Variants in COLEC12 observed in about 807,000 individuals in gnomAD.
COLEC12 encodes the protein collectin subfamily member 12.
Under a neutral mutation model 71.1 loss-of-function variants are expected in COLEC12, and 33 were observed. The ratio of observed to expected loss-of-function variants is 0.46; its 90% confidence interval spans 0.35 to 0.62. The LOEUF (loss-of-function observed/expected upper bound fraction) is 0.62. COLEC12 is among the 20% of genes least tolerant of loss of function. The pLI is 0.00. For synonymous variants in COLEC12, 350 were observed against 353.0 expected (o/e 0.99, Z 0.10); for missense variants, 765 against 916.1 (o/e 0.84, Z 2.13).
chr18:383,817 G>A (rs962327606), intron 2 of COLEC12, among the ~76,000 whole-genome samples: 2 of 152,152 alleles, frequency 1.3e-5, no homozygotes, highest in Non-Finnish European at 2.9e-5. Flanking sequence ...AAGGAAAGAG[G>A]TATAATTGAC....
At chr18:470,131 T>C (rs1286091884) in intron 2 of COLEC12, among the ~76,000 whole-genome samples, 2 of 151,974 alleles carry the variant, frequency 1.3e-5, no homozygotes, top group Non-Finnish European at 2.9e-5. Flanking sequence ...TATATCTTAA[T>C]ATTTTTTATC....
At chr18:427,378 C>A (rs1916217933) in intron 2 of COLEC12, among the ~76,000 whole-genome samples, 1 of 152,122 alleles carries the variant, frequency 6.6e-6, no homozygotes, top group Admixed American at 6.5e-5. Context: ...CCTATGTGGG[C>A]CGTAGGGAGA....
At chr18:423,701 A>T (rs1428355863) in intron 2 of COLEC12, 1 of 152,170 alleles carries the variant, frequency 6.6e-6, no homozygotes, top group Non-Finnish European at 1.5e-5. Context: ...ACACACGCCC[A>T]GGGCTGGTCT....
intron 2 of COLEC12, among the ~76,000 whole-genome samples, chr18:413,352 T>C (rs1915928201): frequency 6.6e-6 from 1 of 152,202 alleles, no homozygotes; most frequent in Non-Finnish European, 1.5e-5. Flanking sequence ...ACCCCACAAA[T>C]GCTGGAGAGG....
chr18:346,341 T>C lies in COLEC12; in HGVS notation c.1281A>G (p.Val427=). ...LSVIMEEMKL[V]DSKHGQLIKN... ...TGATGAGCTGACCATGCTTGGAGTC[T>C]ACTAGCTTCATTTCTTCCATAATCA... The change falls in exon 5 of 10, where the codon GTA becomes GTG. Residue 427 remains valine (V), a synonymous_variant. Coordinates refer to ENST00000400256, the MANE Select transcript of COLEC12 (RefSeq NM_130386.3). The surrounding 1 kb of genome is among the most constrained non-coding windows in gnomAD (Gnocchi z 4.0). The C allele has an allele frequency of 6.2e-7, 1 of 1,614,078 alleles. No homozygotes were observed. Among genetic ancestry groups the C allele is most frequent in the East Asian group, 2.2e-5 (1 of 44,892 alleles).
At chr18:340,726 T>C (rs1175710914) in intron 5 of COLEC12, among the ~76,000 whole-genome samples, 2 of 152,242 alleles carry the variant, frequency 1.3e-5, no homozygotes, top group Non-Finnish European at 2.9e-5. Context: ...TGATACAATC[T>C]GATACGTTTT....
intron 2 of COLEC12, among the ~76,000 whole-genome samples, chr18:394,647 A>G (rs1461406112): frequency 6.6e-6 from 1 of 152,156 alleles, no homozygotes; most frequent in Admixed American, 6.5e-5. Flanking sequence ...AACTAATGGG[A>G]TTATTATTGT....
At chr18:471,363 A>G (rs1469293825) in intron 2 of COLEC12, among the ~76,000 whole-genome samples, 2 of 151,524 alleles carry the variant, frequency 1.3e-5, no homozygotes, top group African/African-American at 4.8e-5. Context: ...TCCTCTTCCA[A>G]ATTTTTTTTC....
At chr18:471,878 G>A (rs896984616) in intron 2 of COLEC12, among the ~76,000 whole-genome samples, 3 of 152,012 alleles carry the variant, frequency 2.0e-5, no homozygotes, top group Admixed American at 2.0e-4. Flanking sequence ...AAGGACTTGT[G>A]ACTCAACGTT....
intron 2 of COLEC12, among the ~76,000 whole-genome samples, chr18:403,877 C>T (rs182155875): frequency 1.3e-5 from 2 of 152,186 alleles, no homozygotes; most frequent in African/African-American, 4.8e-5. Context: ...GTTCTCATAC[C>T]TATGGCACAA....
At chr18:426,153 C>T (rs1402271437) in intron 2 of COLEC12, among the ~76,000 whole-genome samples, 2 of 152,196 alleles carry the variant, frequency 1.3e-5, no homozygotes, top group Non-Finnish European at 2.9e-5. Context: ...TTGTAAAATG[C>T]ATCATGGCTT....
At chr18:491,453 G>T (rs1285798490) in intron 1 of COLEC12, among the ~76,000 whole-genome samples, 2 of 152,216 alleles carry the variant, frequency 1.3e-5, no homozygotes, top group African/African-American at 4.8e-5. Flanking sequence ...TGGAACCAAT[G>T]ATTCCTATCT....
rs572214813 is a variant in COLEC12 at position 487,695 on chromosome 18, A to G, written c.8-6938T>C. 7.9e-5 allele frequency among the ~76,000 whole-genome samples: 12 copies of G among 152,342 alleles called. No individual in the cohort carries two copies. The South Asian group carries it at 2.5e-3, about 32-fold the overall frequency. Reference sequence around the variant, plus strand: ...CTCAGACCCTGAGTCCTCTTCTCCCACTTAGCCAGAAAGTCCCCTCCATGG... The same window carrying G: ...CTCAGACCCTGAGTCCTCTTCTCCCGCTTAGCCAGAAAGTCCCCTCCATGG... On this transcript the variant is annotated intron_variant, in intron 1 of 9. Transcript: ENST00000400256.
chr18:340,158 A>G (rs1007996561), intron 5 of COLEC12, among the ~76,000 whole-genome samples: 1 of 152,130 alleles, frequency 6.6e-6, no homozygotes, highest in African/African-American at 2.4e-5. Context: ...GAAAACAGCA[A>G]CGCCGCATGT....
At chr18:417,548 A>G (rs1916011408) in intron 2 of COLEC12, among the ~76,000 whole-genome samples, 2 of 151,702 alleles carry the variant, frequency 1.3e-5, no homozygotes, top group African/African-American at 2.4e-5. Context: ...CAAGGCCATC[A>G]TCAACATGCC....
At position 480,832 on chromosome 18, in the gene COLEC12, T is replaced by C; in HGVS notation, c.8-75A>G. The C allele has an allele frequency of 8.1e-7, 1 of 1,228,588 alleles. No individual in the cohort carries two copies. Among genetic ancestry groups the C allele is most frequent in the Non-Finnish European group, 1.2e-6 (1 of 828,150 alleles). The allele number at this position is 1,228,588 out of a possible 1,614,324, so 76.1% of individuals were successfully genotyped here. A position where few individuals can be genotyped will look rare whatever the true frequency, so the allele number is the denominator to read the frequency against. Reference sequence around the variant, plus strand: ...GCAGAGGGTGGGGCAGGATGCGACCTGCTTCATCGCCCCTGCTTGTCACAG... The same window carrying C: ...GCAGAGGGTGGGGCAGGATGCGACCCGCTTCATCGCCCCTGCTTGTCACAG... On this transcript the variant is annotated intron_variant, in intron 1 of 9. Coordinates refer to ENST00000400256, the MANE Select transcript of COLEC12 (RefSeq NM_130386.3). This position sits in a 1 kb window ranked among gnomAD's most constrained non-coding sequence, Gnocchi z 4.1.
intron 1 of COLEC12, among the ~76,000 whole-genome samples, chr18:483,540 G>C (rs989533849): frequency 6.6e-6 from 1 of 152,270 alleles, no homozygotes; most frequent in South Asian, 2.1e-4. Context: ...TAGAAGGCCA[G>C]GTATTTATAC....
chr18:342,395 T>C (rs1356260196), intron 5 of COLEC12, among the ~76,000 whole-genome samples: 2 of 152,240 alleles, frequency 1.3e-5, no homozygotes, highest in Non-Finnish European at 2.9e-5. Flanking sequence ...CAGCTTCAGC[T>C]CCCAATTCCT....
chr18:454,919 A>G (rs1482364371), intron 2 of COLEC12, among the ~76,000 whole-genome samples: 2 of 152,222 alleles, frequency 1.3e-5, no homozygotes, highest in African/African-American at 4.8e-5. Flanking sequence ...ATGTTGAGCC[A>G]TTTGGACTGG....
Sources: gnomAD v4.1 joint callset for allele counts (sites outside exome capture counted in the v4.1 genomes callset) on GRCh38, gnomAD v4.1.1 for gene constraint, Gnocchi (gnomAD v3.1) non-coding constraint, MANE v1.5 for transcripts, NCBI Gene and HGNC (gene_info 2026-07-23, HGNC 2026-07-21) for gene names.